The following CFAP58 variants were observed in gnomAD, a reference collection of about 807,000 sequenced individuals.
CFAP58 encodes the protein cilia and flagella associated protein 58.
In CFAP58, 88 loss-of-function variants were observed where a neutral mutation model predicts 119.5. That is an observed-to-expected ratio of 0.74 (90% CI 0.62 to 0.88). The LOEUF is 0.88. CFAP58 is among the 40% of genes least tolerant of loss of function. The pLI is 0.00. For synonymous variants in CFAP58, 365 were observed against 366.3 expected (o/e 1.00, Z 0.04); for missense variants, 990 against 1,021.2 (o/e 0.97, Z 0.42).
chr10:104,353,625 C>T (rs1027322255), upstream of CFAP58: 9 of 470,896 alleles, frequency 1.9e-5, no homozygotes, highest in Non-Finnish European at 3.1e-5. Flanking sequence ...CCCTCACTTC[C>T]TTGGCTCCGC....
At chr10:104,379,497 GT>G (rs1564885253) in intron 8 of CFAP58, among the ~76,000 whole-genome samples, 1 of 152,096 alleles carries the variant, frequency 6.6e-6, no homozygotes, top group African/African-American at 2.4e-5. Flanking sequence ...TTTTGCTTTC[GT>G]TTTGAGTATA....
chr10:104,425,985 C>A (rs188591306), intron 15 of CFAP58, among the ~76,000 whole-genome samples: 1 of 152,162 alleles, frequency 6.6e-6, no homozygotes, highest in African/African-American at 2.4e-5. Flanking sequence ...ATAATCCCAG[C>A]ACTTTGGGAG....
intron 15 of CFAP58, among the ~76,000 whole-genome samples, chr10:104,441,800 C>T (rs896158153): frequency 1.3e-5 from 2 of 152,226 alleles, no homozygotes; most frequent in Non-Finnish European, 2.9e-5. Flanking sequence ...TGTTTCATCA[C>T]CAAATGCCAG....
upstream of CFAP58, among the ~76,000 whole-genome samples, chr10:104,350,611 C>T (rs1278097342): frequency 1.3e-5 from 2 of 152,164 alleles, no homozygotes; most frequent in South Asian, 2.1e-4. Context: ...GTCTTTTTGT[C>T]CTCCTATAAG....
At chr10:104,386,794 C>T (rs936796052) in intron 9 of CFAP58, among the ~76,000 whole-genome samples, 1 of 152,184 alleles carries the variant, frequency 6.6e-6, no homozygotes, top group Non-Finnish European at 1.5e-5. Context: ...GTATCTGTAT[C>T]AAGTTATTTT....
chr10:104,385,876 G>A (rs1042437981), intron 9 of CFAP58, among the ~76,000 whole-genome samples: 8 of 152,102 alleles, frequency 5.3e-5, no homozygotes, highest in Admixed American at 2.0e-4. Context: ...TTTTGTGTGT[G>A]TGTTTCATCT....
chr10:104,441,819 G>A (rs1811748140), intron 15 of CFAP58, among the ~76,000 whole-genome samples: 1 of 152,150 alleles, frequency 6.6e-6, no homozygotes, highest in East Asian at 1.9e-4. Flanking sequence ...AGCATTTCCT[G>A]TCCTCTCTAG....
At chr10:104,346,799 C>A in the CFAP58 span, among the ~76,000 whole-genome samples, 1 of 151,726 alleles carries the variant, frequency 6.6e-6, no homozygotes, top group Non-Finnish European at 1.5e-5. Context: ...CCACATCTGG[C>A]TAATTTTTGT....
chr10:104,377,096 G>A (rs977973604), intron 8 of CFAP58, among the ~76,000 whole-genome samples: 1 of 152,190 alleles, frequency 6.6e-6, no homozygotes, highest in Non-Finnish European at 1.5e-5. Context: ...TATCACCTGA[G>A]AACACAAAAA....
chr10:104,447,830 C>T lies in CFAP58; in HGVS notation c.2376+13C>T. ...GCAGCAGCTGAAAGTAAGTGGTAGC[C>T]CCTGTTCCTTCCGGGTTCCAGGGCA... On this transcript the variant is annotated intron_variant, in intron 16 of 17. Coordinates refer to ENST00000369704, the MANE Select transcript of CFAP58 (RefSeq NM_001008723.2). The T allele has an allele frequency of 2.5e-6, 4 of 1,599,848 alleles. No homozygotes were observed. Among genetic ancestry groups the T allele is most frequent in the Non-Finnish European group, 3.4e-6 (4 of 1,171,248 alleles).
At chr10:104,343,041 A>G in the CFAP58 span, among the ~76,000 whole-genome samples, 1 of 152,236 alleles carries the variant, frequency 6.6e-6, no homozygotes, top group Non-Finnish European at 1.5e-5. Flanking sequence ...GAGAGACAGG[A>G]AGCCTATACT....
At chr10:104,440,819 G>C (rs926009797) in intron 15 of CFAP58, among the ~76,000 whole-genome samples, 8 of 152,044 alleles carry the variant, frequency 5.3e-5, no homozygotes, top group Non-Finnish European at 1.0e-4. Context: ...CTCCCACCAA[G>C]ATGCATCTGA....
intron 3 of CFAP58, 75 bp downstream of exon 3, chr10:104,362,246 G>A: frequency 7.6e-7 from 1 of 1,313,528 alleles, no homozygotes; most frequent in Non-Finnish European, 1.0e-6. Flanking sequence ...CCTGGGGCTT[G>A]CCAGTGTCTT....
chr10:104,408,635 A>G (rs997755941), intron 15 of CFAP58, among the ~76,000 whole-genome samples: 3 of 152,170 alleles, frequency 2.0e-5, no homozygotes, highest in Non-Finnish European at 4.4e-5. Flanking sequence ...AAGCATCTGT[A>G]TTATAAGTTT....
intron 15 of CFAP58, 122 bp from the exon 16 acceptor site, chr10:104,447,576 A>G: frequency 1.7e-6 from 2 of 1,151,376 alleles, no homozygotes; most frequent in Non-Finnish European, 2.5e-6. Flanking sequence ...AGTGAATGTG[A>G]TCACTGTGGA....
At chr10:104,392,704 A>C (rs1334894260) in intron 10 of CFAP58, among the ~76,000 whole-genome samples, 5 of 144,188 alleles carry the variant, frequency 3.5e-5, no homozygotes, top group Non-Finnish European at 7.4e-5. Flanking sequence ...CAGTGACGCG[A>C]TCTCGGCTCA....
chr10:104,357,899 GTA>G (rs1329406793), intron 1 of CFAP58, among the ~76,000 whole-genome samples: 19 of 106,998 alleles, frequency 1.8e-4, no homozygotes, highest in South Asian at 2.7e-4. Flanking sequence ...AAACATATAT[GTA>G]CACATATACA....
intron 2 of CFAP58, among the ~76,000 whole-genome samples, chr10:104,361,277 C>T (rs185877806): frequency 4.6e-5 from 7 of 152,314 alleles, no homozygotes; most frequent in Admixed American, 2.0e-4. Flanking sequence ...CTCCATTCCC[C>T]GTTATGGGTT....
At chr10:104,375,726 G>A (rs183745219) in intron 7 of CFAP58, among the ~76,000 whole-genome samples, 5 of 147,416 alleles carry the variant, frequency 3.4e-5, no homozygotes, top group African/African-American at 7.4e-5. Context: ...AATCGAATAC[G>A]TTTAAGAAAT....
Sources: gnomAD v4.1 joint callset for allele counts (sites outside exome capture counted in the v4.1 genomes callset) on GRCh38, gnomAD v4.1.1 for gene constraint, MANE v1.5 for transcripts, NCBI Gene and HGNC (gene_info 2026-07-23, HGNC 2026-07-21) for gene names.